The following GTF2F1 variants were observed in gnomAD, a reference collection of about 807,000 sequenced individuals.
GTF2F1 encodes the protein general transcription factor IIF 74 kDa subunit.
GTF2F1 carries 39 observed loss-of-function variants against 63.5 expected under a neutral mutation model. That is an observed-to-expected ratio of 0.61 (90% CI 0.48 to 0.80). The LOEUF is 0.80. Among genes scored for constraint, GTF2F1 ranks in the 30% least tolerant of loss-of-function variants. The pLI is 0.00. For missense variants in GTF2F1, 657 were observed against 718.3 expected (o/e 0.91, Z 0.97); for synonymous variants, 287 against 285.3 (o/e 1.01, Z -0.06).
Position 6,380,589 on chromosome 19 carries a change from T to C in GTF2F1, c.1333A>G (p.Thr445Ala). The C allele has an allele frequency of 6.2e-7, 1 of 1,614,036 alleles. No individual in the cohort carries two copies. Among genetic ancestry groups the C allele is most frequent in the Non-Finnish European group, 8.5e-7 (1 of 1,179,994 alleles). Residue 445 changes from threonine to alanine, a missense_variant, in exon 12 of 13, where the codon ACA becomes GCA. Around this residue, in one of 2 missense-constraint regions of GTF2F1, gnomAD observed 602 missense variants for 625.6 expected, o/e 0.96. Transcript: ENST00000394456. This position sits in a 1 kb window ranked among gnomAD's most constrained non-coding sequence, Gnocchi z 5.3. ...TCAACTTACCCGCTGTTGGGTGTTG[T>C]CTTGCCTGATGGTGGCTGGGGTGTC... The part of the protein sequence containing the change: ...KSTPQPPSGK[T>A]TPNSGDVQVT...
In GTF2F1 at chr19:6,379,906, T is replaced by G; in HGVS notation, c.*375A>C. ...CCAAAACTGAAGACTTACTGGGCTATGTGGTGGATAAGTCACAGCTGAAGA... is the reference window on the plus strand; with the variant it reads ...CCAAAACTGAAGACTTACTGGGCTAGGTGGTGGATAAGTCACAGCTGAAGA... On this transcript the variant is annotated 3_prime_UTR_variant, in exon 13 of 13. Coordinates refer to ENST00000394456, the MANE Select transcript of GTF2F1 (RefSeq NM_002096.3). The G allele has an allele frequency of 6.8e-6, 2 of 292,478 alleles. No individual in the cohort carries two copies. The highest frequency in any genetic ancestry group is 1.3e-5 in the Non-Finnish European group (2 of 150,284). The allele number at this position is 292,478 out of a possible 1,614,324, so 18.1% of individuals were successfully genotyped here.
intron 3 of GTF2F1, chr19:6,390,514 T>G (rs531958463): frequency 8.7e-6 from 1 of 115,100 alleles, no homozygotes; most frequent in South Asian, 3.0e-4. Flanking sequence ...GGCGCTGCAC[T>G]CCAGTCTGGG....
At position 6,383,689 on chromosome 19, in the gene GTF2F1, G is replaced by A. The variant is rs1005899735; in HGVS notation, c.498-194C>T. Among the ~76,000 whole-genome samples, 2 of 152,200 alleles carry A rather than the reference G, an allele frequency of 1.3e-5. No homozygotes were observed. The highest frequency in any genetic ancestry group is 2.1e-4 in the South Asian group (1 of 4,830). On this transcript the variant is annotated intron_variant, in intron 5 of 12. Coordinates refer to ENST00000394456, the MANE Select transcript of GTF2F1 (RefSeq NM_002096.3). The surrounding 1 kb of genome is among the most constrained non-coding windows in gnomAD (Gnocchi z 4.5). ...CCTTCCTGCCTTCCCGTTCTGCCCC[G>A]AGTCCCTCAAAGAGCAGGTCCCCAT...
chr19:6,385,288 G>A (rs1422346645), intron 5 of GTF2F1, among the ~76,000 whole-genome samples: 3 of 148,380 alleles, frequency 2.0e-5, no homozygotes, highest in Admixed American at 6.8e-5. Context: ...CCAGCTACTC[G>A]CAAGGCTGAG....
In GTF2F1 at chr19:6,389,497, G is replaced by C; in HGVS notation, c.273C>G (p.Phe91Leu). ...GCAGCCAGGGCTGGTCCTCGGGCCGGAACTCCTTGAGGACGATGCCGTACT... is the reference window on the plus strand; with the variant it reads ...GCAGCCAGGGCTGGTCCTCGGGCCGCAACTCCTTGAGGACGATGCCGTACT... ...RKKYGIVLKE[F>L]RPEDQPWLLR... is the part of the protein sequence containing the mutation. Residue 91 changes from phenylalanine to leucine, a missense_variant, in exon 4 of 13, where the codon TTC (phenylalanine) becomes TTG (leucine). Transcript: ENST00000394456. The C allele has an allele frequency of 6.2e-7, 1 of 1,614,206 alleles. No homozygotes were observed.
rs1190208382 is a variant in GTF2F1, at chr19:6,380,545, C to T, written c.1349+28G>A. The T allele has an allele frequency of 8.1e-6, 13 of 1,612,456 alleles. No homozygotes were observed. Among genetic ancestry groups the T allele is most frequent in the Non-Finnish European group, 1.1e-5 (13 of 1,178,536 alleles). ...GAGATTGTCCCCAGTAGCCCTTGCCCTGCCCCCTGCTGTCCTCGTCAACTT... is the reference window on the plus strand; with the variant it reads ...GAGATTGTCCCCAGTAGCCCTTGCCTTGCCCCCTGCTGTCCTCGTCAACTT... On this transcript the variant is annotated intron_variant, in intron 12 of 12. Transcript: ENST00000394456. This position sits in a 1 kb window ranked among gnomAD's most constrained non-coding sequence, Gnocchi z 5.3.
At position 6,381,640 on chromosome 19, in the gene GTF2F1, T is replaced by C. The variant is rs1248617019; in HGVS notation, c.837-25A>G. 1 of 1,614,000 alleles carries C rather than the reference T, an allele frequency of 6.2e-7. No individual in the cohort carries two copies. Among genetic ancestry groups the C allele is most frequent in the Admixed American group, 1.7e-5 (1 of 60,020 alleles). On this transcript the variant is annotated intron_variant, in intron 7 of 12. Coordinates refer to ENST00000394456, the MANE Select transcript of GTF2F1 (RefSeq NM_002096.3). The surrounding 1 kb of genome is among the most constrained non-coding windows in gnomAD (Gnocchi z 4.1). Reference sequence around the variant, plus strand: ...ACTGTAAGACGGGGATGGCAAAGGATGAGCGCGCGCTCGCGAGGCTGCATG... The same window carrying C: ...ACTGTAAGACGGGGATGGCAAAGGACGAGCGCGCGCTCGCGAGGCTGCATG...
At position 6,381,678 on chromosome 19, in the gene GTF2F1, C is replaced by T. The variant is rs778541739; in HGVS notation, c.836+19G>A. The T allele has an allele frequency of 2.0e-5, 33 of 1,613,964 alleles. No homozygotes were observed. Among genetic ancestry groups the T allele is most frequent in the South Asian group, 9.9e-5 (9 of 91,086 alleles). Reference sequence around the variant, plus strand: ...GCGAGGCTGCATGGGGTCTCGCAGGCGCCTCCCGTCGGCCTCACCTGGAGC... The same window carrying T: ...GCGAGGCTGCATGGGGTCTCGCAGGTGCCTCCCGTCGGCCTCACCTGGAGC... On this transcript the variant is annotated intron_variant, in intron 7 of 12. Transcript: ENST00000394456. This position sits in a 1 kb window ranked among gnomAD's most constrained non-coding sequence, Gnocchi z 4.1.
At position 6,391,868 on chromosome 19, in the gene GTF2F1, C is replaced by T. The variant is rs1352093158; in HGVS notation, c.132+34G>A. The T allele has an allele frequency of 3.2e-6, 4 of 1,266,240 alleles. 1 individual carries two copies. In the East Asian group the frequency reaches 9.5e-5, roughly 30 times the overall value. 78.4% of individuals were successfully genotyped at this position (1,266,240 alleles called of 1,614,324 possible). ...GGTCAGGGTCAAGTTCTCTCACCAC[C>T]CCAGCCCCTGACCCCCAGGACTCAG... On this transcript the variant is annotated intron_variant, in intron 3 of 12. Coordinates refer to ENST00000394456, the MANE Select transcript of GTF2F1 (RefSeq NM_002096.3).
intron 5 of GTF2F1, chr19:6,387,155 T>G: frequency 2.0e-6 from 1 of 508,402 alleles, no homozygotes; most frequent in Non-Finnish European, 3.5e-6. Flanking sequence ...GCTCTGCCAA[T>G]TTGAGCTCCG....
In GTF2F1 at chr19:6,380,442, G is replaced by T. The variant is rs1450923982; in HGVS notation, c.1393C>A (p.Arg465=). 6.2e-7 allele frequency: 1 copy of T among 1,613,962 alleles called. No individual in the cohort carries two copies. The highest frequency in any genetic ancestry group is 1.3e-5 in the African/African-American group (1 of 74,886). Residue 465 remains arginine, a synonymous_variant, in exon 13 of 13, where the codon CGG becomes AGG. Coordinates refer to ENST00000394456, the MANE Select transcript of GTF2F1 (RefSeq NM_002096.3). This position sits in a 1 kb window ranked among gnomAD's most constrained non-coding sequence, Gnocchi z 5.3. ...AGGTCCTTAGTGGTCATGGGCTTCC[G>T]TGTCAGGTAGCGGCGCACGGCATCC... ...TEDAVRRYLT[R]KPMTTKDLLK... is the part of the protein sequence containing the mutation.
At position 6,383,264 on chromosome 19, in the gene GTF2F1, C is replaced by A; in HGVS notation, c.682+47G>T. 6.3e-7 allele frequency: 1 copy of A among 1,590,428 alleles called. No homozygotes were observed. The highest frequency in any genetic ancestry group is 8.6e-7 in the Non-Finnish European group (1 of 1,162,862). On this transcript the variant is annotated intron_variant, in intron 6 of 12. Coordinates refer to ENST00000394456, the MANE Select transcript of GTF2F1 (RefSeq NM_002096.3). The surrounding 1 kb of genome is among the most constrained non-coding windows in gnomAD (Gnocchi z 4.5). ...GTAGACTTTGCCTTCACTGGCACTG[C>A]CTGAGCAGGCACCTCTGTGACCTAA...
intron 3 of GTF2F1, among the ~76,000 whole-genome samples, chr19:6,390,793 T>C (rs2091993960): frequency 1.3e-5 from 2 of 152,022 alleles, no homozygotes; most frequent in African/African-American, 4.8e-5. Flanking sequence ...GGCAGGAGAA[T>C]GGCTTGAACC....
Position 6,383,953 on chromosome 19 carries a change from C to A in GTF2F1, c.498-458G>T, listed in dbSNP as rs1310624605. On this transcript the variant is annotated intron_variant, in intron 5 of 12. Transcript: ENST00000394456. This position sits in a 1 kb window ranked among gnomAD's most constrained non-coding sequence, Gnocchi z 4.5. ...CCGGGGTTCCAGGCGCCTGCCACCA[C>A]GCCCAGCTAATTTTTTTTTTTTTTT... is the stretch of plus-strand genomic sequence containing the variant. 6.6e-6 allele frequency among the ~76,000 whole-genome samples: 1 copy of A among 151,078 alleles called. No homozygotes were observed. The highest frequency in any genetic ancestry group is 1.5e-5 in the Non-Finnish European group (1 of 67,722).
chr19:6,386,474 C>CT (rs2091974349), intron 5 of GTF2F1, among the ~76,000 whole-genome samples: 1 of 152,206 alleles, frequency 6.6e-6, no homozygotes, highest in South Asian at 2.1e-4. Context: ...GAGACGGAGT[C>CT]TCGCTCTGTC....
rs575853516 is a variant in GTF2F1 at position 6,384,250 on chromosome 19, G to A, written c.498-755C>T. Among the ~76,000 whole-genome samples the A allele has an allele frequency of 2.3e-4, 35 of 150,824 alleles. No individual in the cohort carries two copies. In the East Asian group the frequency reaches 6.8e-3, roughly 29 times the overall value. Reference sequence around the variant, plus strand: ...AGGTTGGGCGCGGTGGCTCACGCCTGTAATCCCAGCACTTTGGGAGGCCGA... The same window carrying A: ...AGGTTGGGCGCGGTGGCTCACGCCTATAATCCCAGCACTTTGGGAGGCCGA... On this transcript the variant is annotated intron_variant, in intron 5 of 12. Transcript: ENST00000394456.
At chr19:6,390,785 CAGG>C (rs2091993920) in intron 3 of GTF2F1, among the ~76,000 whole-genome samples, 1 of 151,952 alleles carries the variant, frequency 6.6e-6, no homozygotes, top group Admixed American at 6.6e-5. Context: ...GAGGCTGAGG[CAGG>C]AGAATGGCTT....
chr19:6,388,302 C>T (rs2091981873), intron 4 of GTF2F1, among the ~76,000 whole-genome samples: 1 of 152,206 alleles, frequency 6.6e-6, no homozygotes, highest in Non-Finnish European at 1.5e-5. Flanking sequence ...ACTGCCCAGC[C>T]TCCTTGAGGC....
chr19:6,381,642 AGC>A lies in GTF2F1; in HGVS notation c.837-29_837-28del, dbSNP rs747908686. On this transcript the variant is annotated intron_variant, in intron 7 of 12. Transcript: ENST00000394456. This position sits in a 1 kb window ranked among gnomAD's most constrained non-coding sequence, Gnocchi z 4.1. ...TGTAAGACGGGGATGGCAAAGGATGAGCGCGCGCTCGCGAGGCTGCATGGGGT... is the reference window on the plus strand; with the variant it reads ...TGTAAGACGGGGATGGCAAAGGATGAGCGCGCTCGCGAGGCTGCATGGGGT... The A allele has an allele frequency of 6.2e-7, 1 of 1,613,948 alleles. No homozygotes were observed. The highest frequency in any genetic ancestry group is 1.3e-5 in the African/African-American group (1 of 75,024).
Sources: gnomAD v4.1 joint callset for allele counts (sites outside exome capture counted in the v4.1 genomes callset) on GRCh38, gnomAD v4.1.1 for gene constraint, gnomAD v4.1.1 regional missense constraint, Gnocchi (gnomAD v3.1) non-coding constraint, MANE v1.5 for transcripts, NCBI Gene and HGNC (gene_info 2026-07-23, HGNC 2026-07-21) for gene names.